The following CEACAM20 variants were observed in gnomAD, a reference collection of about 807,000 sequenced individuals.
CEACAM20 encodes CEA cell adhesion molecule 20, also known as cell adhesion molecule CEACAM20.
CEACAM20 carries 50 observed loss-of-function variants against 61.2 expected under a neutral mutation model. The ratio of observed to expected loss-of-function variants is 0.82; its 90% CI spans 0.65 to 1.03. The LOEUF is 1.03. Among genes scored for constraint, CEACAM20 ranks in the 50% least tolerant of loss-of-function variants. The probability of loss-of-function intolerance (pLI) is 0.00; values close to 1 mark genes in which losing one functional copy is unlikely to be tolerated. For synonymous variants in CEACAM20, 282 were observed against 287.7 expected, an observed-to-expected ratio of 0.98 and a Z score of 0.20; for missense variants, 683 against 736.4, an observed-to-expected ratio of 0.93 and a Z score of 0.84.
chr19:44,512,754 A>G, intron 8 of CEACAM20, 114 bp downstream of exon 8: 1 of 787,220 alleles, frequency 1.3e-6, no homozygotes, highest in Non-Finnish European at 2.1e-6. Context: ...CAGAGTGGAC[A>G]GGGCTTGCCC....
intron 4 of CEACAM20, among the ~76,000 whole-genome samples, chr19:44,521,726 T>C (rs1971370928): frequency 1.3e-5 from 2 of 152,094 alleles, no homozygotes. Flanking sequence ...GCATGCTATA[T>C]GTTTGTATGT....
chr19:44,528,959 T>TC (rs1402012073), intron 1 of CEACAM20, among the ~76,000 whole-genome samples: 1 of 136,496 alleles, frequency 7.3e-6, no homozygotes, highest in African/African-American at 3.0e-5. Context: ...TTTCTTTCTT[T>TC]TTTTTTTTTT....
At chr19:44,512,358 C>T (rs374483295) in intron 8 of CEACAM20, among the ~76,000 whole-genome samples, 37 of 152,106 alleles carry the variant, frequency 2.4e-4, no homozygotes, top group African/African-American at 8.0e-4. Flanking sequence ...CCCTAATGGC[C>T]TTGGTTTTCG....
intron 1 of CEACAM20, among the ~76,000 whole-genome samples, chr19:44,528,073 C>T (rs1971579810): frequency 6.6e-6 from 1 of 151,978 alleles, no homozygotes; most frequent in Non-Finnish European, 1.5e-5. Context: ...CAGTTCTTTC[C>T]CTGTCTCTTT....
In CEACAM20 at chr19:44,510,609, AAAAAGG is replaced by A. The variant is rs1416681200; in HGVS notation, c.1737+415_1737+420del. Reference sequence around the variant, plus strand: ...GAAAGAAAGAAAGAAAGAAAGAAAGAAAAAGGAAGGAAGGAAGAAAGAAAGAGAAGA... The same window carrying A: ...GAAAGAAAGAAAGAAAGAAAGAAAGAAAGGAAGGAAGAAAGAAAGAGAAGA... On this transcript the variant is annotated intron_variant, in intron 11 of 11. Transcript: ENST00000614924. 6.3e-3 allele frequency among the ~76,000 whole-genome samples: 399 copies of A among 63,614 alleles called. 8 individuals carry two copies. The highest frequency in any genetic ancestry group is 0.018 in the African/African-American group (180 of 9,974). The allele number at this position is 63,614 out of a possible 152,430, so 41.7% of individuals were successfully genotyped here. A position where few individuals can be genotyped will look rare whatever the true frequency, so the allele number is the denominator to read the frequency against.
At chr19:44,526,356 T>A (rs1300893472) in intron 1 of CEACAM20, among the ~76,000 whole-genome samples, 2 of 151,790 alleles carry the variant, frequency 1.3e-5, no homozygotes, top group African/African-American at 4.8e-5. Flanking sequence ...CAAAAATTTT[T>A]AAAATTAGCT....
At chr19:44,521,711 T>G (rs1162747730) in intron 4 of CEACAM20, among the ~76,000 whole-genome samples, 2 of 152,078 alleles carry the variant, frequency 1.3e-5, no homozygotes, top group Non-Finnish European at 2.9e-5. Context: ...ACACCTCTGT[T>G]GTGTGCATGC....
intron 9 of CEACAM20, 106 bp from the exon 10 acceptor site, chr19:44,511,778 G>T: frequency 8.7e-7 from 1 of 1,152,784 alleles, no homozygotes; most frequent in Non-Finnish European, 1.3e-6. Context: ...TAGCACTTCT[G>T]ATTCCCAGAG....
At chr19:44,526,597 C>A (rs1287404842) in intron 1 of CEACAM20, among the ~76,000 whole-genome samples, 1 of 151,874 alleles carries the variant, frequency 6.6e-6, no homozygotes, top group African/African-American at 2.4e-5. Context: ...GACTATGGGA[C>A]CTGGCGCGGT....
chr19:44,525,570 G>A (rs1158173731), intron 1 of CEACAM20, among the ~76,000 whole-genome samples: 1 of 152,182 alleles, frequency 6.6e-6, no homozygotes, highest in Non-Finnish European at 1.5e-5. Flanking sequence ...AGCCTCCCAA[G>A]TAGCCAGGAT....
At position 44,522,965 on chromosome 19, in the gene CEACAM20, C is replaced by T. The variant is rs567402945; in HGVS notation, c.473-53G>A. The T allele has an allele frequency of 8.1e-5, 119 of 1,461,712 alleles. 1 individual carries two copies. The African/African-American group carries it at 1.3e-3, about 16-fold the overall frequency. The allele number at this position is 1,461,712 out of a possible 1,614,324, so 90.5% of individuals were successfully genotyped here. A position where few individuals can be genotyped will look rare whatever the true frequency, so the allele number is the denominator to read the frequency against. On this transcript the variant is annotated intron_variant, in intron 3 of 11. Coordinates refer to ENST00000614924, the MANE Select transcript of CEACAM20 (RefSeq NM_001102597.3). The stretch of plus-strand genomic sequence containing the variant: ...TAACAACAGCATCAGCAACAGGTCT[C>T]TTATGGAGGTCTTTAACGGATCAAT...
chr19:44,522,849 A>G lies in CEACAM20; in HGVS notation c.536T>C (p.Val179Ala). 6.2e-7 allele frequency: 1 copy of G among 1,610,406 alleles called. No homozygotes were observed. The highest frequency in any genetic ancestry group is 8.5e-7 in the Non-Finnish European group (1 of 1,178,542). The change falls in exon 4 of 12, where the codon GTG becomes GCG. Residue 179 changes from valine (V) to alanine (A), a missense_variant. Coordinates refer to ENST00000614924, the MANE Select transcript of CEACAM20 (RefSeq NM_001102597.3). The part of the protein sequence containing the change: ...SGVASGEVVE[V>A]MEGSSMTFLA... ...GAAGGTCATGCTGGAGCCCTCCATC[A>G]CCTCAACCACCTCCCCACTGGCAAC...
At chr19:44,510,946 C>G (rs1970976992) in intron 11 of CEACAM20, 84 bp downstream of exon 11, 1 of 1,540,162 alleles carries the variant, frequency 6.5e-7, no homozygotes, top group Admixed American at 1.9e-5. Context: ...CATAGTTCAT[C>G]CTACAGACTC....
chr19:44,528,125 C>A (rs1420812770), intron 1 of CEACAM20, among the ~76,000 whole-genome samples: 1 of 149,786 alleles, frequency 6.7e-6, no homozygotes, highest in Non-Finnish European at 1.5e-5. Flanking sequence ...CTGTTTTTCC[C>A]ACTGGTATCT....
intron 11 of CEACAM20, among the ~76,000 whole-genome samples, chr19:44,510,610 A>AAAGAAAGAAAGAAAG (rs1970963195): frequency 1.7e-5 from 1 of 58,950 alleles, no homozygotes; most frequent in African/African-American, 1.3e-4. Context: ...GAAAGAAAGA[A>AAAGAAAGAAAGAAAG]AAAGGAAGGA....
chr19:44,509,389 G>A (rs1485380688), intron 11 of CEACAM20, among the ~76,000 whole-genome samples: 1 of 151,510 alleles, frequency 6.6e-6, no homozygotes, highest in African/African-American at 2.4e-5. Flanking sequence ...GGGGGGAAAT[G>A]GAATGCCATG....
intron 5 of CEACAM20, among the ~76,000 whole-genome samples, chr19:44,519,277 C>T (rs1263207324): frequency 6.6e-6 from 1 of 152,168 alleles, no homozygotes; most frequent in African/African-American, 2.4e-5. Context: ...TAGTGACCTC[C>T]CCATCCCCAG....
chr19:44,508,536 C>A (rs891259020), intron 11 of CEACAM20, among the ~76,000 whole-genome samples: 4 of 152,072 alleles, frequency 2.6e-5, no homozygotes, highest in African/African-American at 9.7e-5. Flanking sequence ...ATTACAGGTG[C>A]CTGCCACCAT....
chr19:44,520,413 G>A, intron 5 of CEACAM20, 61 bp downstream of exon 5: 1 of 1,564,716 alleles, frequency 6.4e-7, no homozygotes, highest in African/African-American at 1.4e-5. Context: ...CTAGAAGGAA[G>A]AACTTAAAGA....
Sources: gnomAD v4.1 joint callset for allele counts (sites outside exome capture counted in the v4.1 genomes callset) on GRCh38, gnomAD v4.1.1 for gene constraint, MANE v1.5 for transcripts, NCBI Gene and HGNC (gene_info 2026-07-23, HGNC 2026-07-21) for gene names.